TMOD1: variants seen among roughly 807,000 people sequenced by gnomAD.
TMOD1 encodes the protein tropomodulin-1.
In TMOD1, 17 loss-of-function variants were observed where a neutral mutation model predicts 40.6. The observed-to-expected ratio is 0.42, with a 90% CI of 0.29 to 0.63. The LOEUF is 0.63. TMOD1 is among the 20% of genes least tolerant of loss of function. TMOD1 has a pLI of 0.22. For synonymous variants in TMOD1, 181 were observed against 175.0 expected (o/e 1.03, Z -0.27); for missense variants, 391 against 447.6 (o/e 0.87, Z 1.14).
intron 2 of TMOD1, among the ~76,000 whole-genome samples, chr9:97,530,612 C>T (rs1236209409): frequency 2.0e-5 from 3 of 151,760 alleles, no homozygotes; most frequent in African/African-American, 4.8e-5. Context: ...CTCAGCCTCC[C>T]GAGTAGCTGG....
Position 97,562,663 on chromosome 9 carries a change from G to T in TMOD1, c.398-69G>T, listed in dbSNP as rs762377062. The T allele has an allele frequency of 2.5e-6, 3 of 1,178,806 alleles. No individual in the cohort carries two copies. In the Admixed American group the frequency reaches 8.9e-5, roughly 35 times the overall value. The allele number at this position is 1,178,806 out of a possible 1,614,324, so 73.0% of individuals were successfully genotyped here. On this transcript the variant is annotated intron_variant, in intron 4 of 9. Transcript: ENST00000259365. Reference sequence around the variant, plus strand: ...TGTGAGCCAGAGTTCCCGGGGTTTGGAGTGTGGGTCCCTAGGAGGCTCTTC... The same window carrying T: ...TGTGAGCCAGAGTTCCCGGGGTTTGTAGTGTGGGTCCCTAGGAGGCTCTTC...
chr9:97,596,607 A>G (rs945489882), intron 9 of TMOD1, among the ~76,000 whole-genome samples: 1 of 152,338 alleles, frequency 6.6e-6, no homozygotes, highest in South Asian at 2.1e-4. Context: ...TGAATTGGCA[A>G]TGTGGCTCCA....
Position 97,531,042 on chromosome 9 carries a change from C to CG in TMOD1, c.120+6734_120+6735insG, listed in dbSNP as rs1003133786. ...ACCTTAGGTGATCCACACCCACCCC[C>CG]CCCACCACCCCTTGGCCTCCCAAAG... On this transcript the variant is annotated intron_variant, in intron 2 of 9. Transcript: ENST00000259365. Among the ~76,000 whole-genome samples, 5 of 138,318 alleles carry CG rather than the reference C, an allele frequency of 3.6e-5. 1 individual carries two copies. The highest frequency in any genetic ancestry group is 8.1e-5 in the Non-Finnish European group (5 of 61,852). The allele number at this position is 138,318 out of a possible 152,430, so 90.7% of individuals were successfully genotyped here.
chr9:97,565,324 G>A (rs1190938191), intron 6 of TMOD1, among the ~76,000 whole-genome samples: 1 of 152,154 alleles, frequency 6.6e-6, no homozygotes, highest in Non-Finnish European at 1.5e-5. Flanking sequence ...GCCGGCCCAA[G>A]CATCACCATT....
intron 1 of TMOD1, chr9:97,517,963 C>T (rs1490202618): frequency 6.6e-6 from 1 of 152,322 alleles, no homozygotes; most frequent in African/African-American, 2.4e-5. Context: ...TGCTCTGTCT[C>T]TCATGGGCAG....
chr9:97,560,669 G>GTA (rs3052076), intron 4 of TMOD1, among the ~76,000 whole-genome samples: 70,186 of 144,510 alleles, frequency 0.49, 17,149 homozygotes, highest in Middle Eastern at 0.6. Context: ...TTTTTGTATT[G>GTA]TATATATATA....
At chr9:97,529,243 G>A (rs1167374975) in intron 2 of TMOD1, among the ~76,000 whole-genome samples, 1 of 152,150 alleles carries the variant, frequency 6.6e-6, no homozygotes, top group Non-Finnish European at 1.5e-5. Context: ...TTCCAGTCCT[G>A]GCTCTGCTCT....
chr9:97,559,823 A>ATC (rs1830607598), intron 4 of TMOD1, among the ~76,000 whole-genome samples: 1 of 63,290 alleles, frequency 1.6e-5, no homozygotes, highest in African/African-American at 6.2e-5. Context: ...ATATATATAT[A>ATC]TGTCTATCTA....
intron 2 of TMOD1, among the ~76,000 whole-genome samples, chr9:97,530,518 C>T (rs1476535013): frequency 1.3e-5 from 2 of 149,702 alleles, no homozygotes; most frequent in South Asian, 2.1e-4. Flanking sequence ...GACAGAGTCT[C>T]GCTCTGTCGC....
chr9:97,547,283 G>A (rs1162117284), intron 3 of TMOD1, among the ~76,000 whole-genome samples: 1 of 150,822 alleles, frequency 6.6e-6, no homozygotes, highest in Non-Finnish European at 1.5e-5. Flanking sequence ...TTCCACCTCA[G>A]GACCTTTGCA....
chr9:97,510,364 G>A (rs1829675708), intron 1 of TMOD1, among the ~76,000 whole-genome samples: 1 of 152,050 alleles, frequency 6.6e-6, no homozygotes, highest in Non-Finnish European at 1.5e-5. Flanking sequence ...CCGAGTAGCT[G>A]GAATTACAGG....
intron 8 of TMOD1, among the ~76,000 whole-genome samples, chr9:97,585,660 G>C (rs1825853882): frequency 8.0e-6 from 1 of 124,446 alleles, no homozygotes; most frequent in Non-Finnish European, 1.7e-5. Flanking sequence ...CGTAGATTTG[G>C]TCTTTTCACA....
At chr9:97,580,280 G>A (rs1006408524) in intron 8 of TMOD1, among the ~76,000 whole-genome samples, 33 of 152,068 alleles carry the variant, frequency 2.2e-4, no homozygotes, top group African/African-American at 8.0e-4. Flanking sequence ...TAAAATTTGG[G>A]GATAATTGCA....
chr9:97,555,335 T>C lies in TMOD1; in HGVS notation c.397+1935T>C, dbSNP rs543108276. ...ATCTCCACATGGACTGGGGCTGTTT[T>C]TACCCTGGACTTTCTCCTCCAATCA... On this transcript the variant is annotated intron_variant, in intron 4 of 9. Coordinates refer to ENST00000259365, the MANE Select transcript of TMOD1 (RefSeq NM_003275.4). The C allele has an allele frequency of 1.9e-5, 23 of 1,187,438 alleles. No homozygotes were observed. The South Asian group carries it at 4.5e-4, about 23-fold the overall frequency. 73.6% of individuals were successfully genotyped at this position (1,187,438 alleles called of 1,614,324 possible).
intron 2 of TMOD1, among the ~76,000 whole-genome samples, chr9:97,535,794 C>T (rs1564235459): frequency 2.0e-5 from 3 of 152,204 alleles, no homozygotes; most frequent in Admixed American, 6.5e-5. Flanking sequence ...CTTTGGACGT[C>T]GGCATTAATG....
chr9:97,597,635 C>T (rs1365397601), intron 9 of TMOD1, among the ~76,000 whole-genome samples: 5 of 133,062 alleles, frequency 3.8e-5, no homozygotes, highest in Non-Finnish European at 7.7e-5. Flanking sequence ...GAGGCGGAGA[C>T]TGCAGTGAGC....
chr9:97,535,829 G>C (rs1475318944), intron 2 of TMOD1, among the ~76,000 whole-genome samples: 1 of 152,222 alleles, frequency 6.6e-6, no homozygotes, highest in Non-Finnish European at 1.5e-5. Flanking sequence ...CTGGGGAAAT[G>C]GCAGCTATTG....
intron 9 of TMOD1, among the ~76,000 whole-genome samples, chr9:97,594,030 G>T (rs1826053607): frequency 6.6e-6 from 1 of 152,126 alleles, no homozygotes; most frequent in African/African-American, 2.4e-5. Context: ...AGGTGTTTGG[G>T]TGGCTGCAGC....
At position 97,600,965 on chromosome 9, in the gene TMOD1, T is replaced by C. The variant is rs896265827; in HGVS notation, c.*1267T>C. On this transcript the variant is annotated 3_prime_UTR_variant, in exon 10 of 10. Coordinates refer to ENST00000259365, the MANE Select transcript of TMOD1 (RefSeq NM_003275.4). ...TCATTAGTGATTTCAGCAAATCTCA[T>C]GATAAAGGACAAGGTCAAGAACTCC... 2.6e-6 allele frequency: 3 copies of C among 1,158,000 alleles called. No homozygotes were observed. In the African/African-American group the frequency reaches 5.0e-5, roughly 19 times the overall value. 71.7% of individuals were successfully genotyped at this position (1,158,000 alleles called of 1,614,324 possible).
Sources: allele counts gnomAD v4.1 joint callset (sites outside exome capture counted in the v4.1 genomes callset), GRCh38; gene constraint gnomAD v4.1.1; transcripts MANE v1.5; gene names NCBI Gene and HGNC (gene_info 2026-07-23, HGNC 2026-07-21).